Variants in SLC2A9 observed in about 807,000 individuals in gnomAD.
SLC2A9 encodes the protein solute carrier family 2 member 9, also known as solute carrier family 2, facilitated glucose transporter member 9.
Under a neutral mutation model 50.6 loss-of-function variants are expected in SLC2A9, and 39 were observed. That is an observed-to-expected ratio of 0.77 (90% CI 0.60 to 1.01). The LOEUF (loss-of-function observed/expected upper bound fraction) is 1.01, where lower values mean the gene tolerates loss of function less well. Among genes scored for constraint, SLC2A9 ranks in the 50% least tolerant of loss-of-function variants. The pLI is 0.00. For missense variants in SLC2A9, 686 were observed against 677.6 expected (o/e 1.01, Z -0.14); for synonymous variants, 324 against 276.9 (o/e 1.17, Z -1.69).
chr4:9,847,760 T>C (rs1729216667), intron 10 of SLC2A9, among the ~76,000 whole-genome samples: 1 of 152,244 alleles, frequency 6.6e-6, no homozygotes, highest in Non-Finnish European at 1.5e-5. Flanking sequence ...TATTGAGCAC[T>C]TTCTATGTGT....
chr4:9,961,943 T>C (rs896162407), intron 5 of SLC2A9, among the ~76,000 whole-genome samples: 2 of 152,176 alleles, frequency 1.3e-5, no homozygotes, highest in East Asian at 3.8e-4. Context: ...GACATTCATG[T>C]GGTCAAGAAA....
At chr4:10,023,994 A>G (rs2109577932), upstream of SLC2A9, among the ~76,000 whole-genome samples, 1 of 152,270 alleles carries the variant, frequency 6.6e-6, no homozygotes, top group East Asian at 1.9e-4. Context: ...TCTGACACTC[A>G]CTGGTTCCTT....
chr4:9,932,986 T>A (rs932535370), intron 6 of SLC2A9, among the ~76,000 whole-genome samples: 3 of 152,208 alleles, frequency 2.0e-5, no homozygotes, highest in Admixed American at 1.3e-4. Flanking sequence ...TCCCACGTCA[T>A]CTGTGCCAAG....
At position 9,980,753 on chromosome 4, in the gene SLC2A9, A is replaced by G; in HGVS notation, c.536-16T>C. The stretch of plus-strand genomic sequence containing the variant: ...AGGGCGACGCCTGTAGAGAGAAAGC[A>G]TAGCAGCAGTTAGAGAGGTGTCTTC... On this transcript the variant is annotated splice_polypyrimidine_tract_variant and intron_variant, in intron 4 of 11. Coordinates refer to ENST00000264784, the MANE Select transcript of SLC2A9 (RefSeq NM_020041.3). 4 of 1,614,196 alleles carry G rather than the reference A, an allele frequency of 2.5e-6. No homozygotes were observed. Among genetic ancestry groups the G allele is most frequent in the Non-Finnish European group, 3.4e-6 (4 of 1,180,016 alleles).
chr4:9,909,972 A>G lies in SLC2A9; in HGVS notation c.1003-1627T>C, dbSNP rs140761931. ...GCTCTTGTTTCTATAGATCTGTTTT[A>G]TTGCCAGATGTTTTTAGCAAAAATT... On this transcript the variant is annotated intron_variant, in intron 7 of 11. Coordinates refer to ENST00000264784, the MANE Select transcript of SLC2A9 (RefSeq NM_020041.3). Among the ~76,000 whole-genome samples the G allele has an allele frequency of 2.0e-5, 3 of 152,294 alleles. No individual in the cohort carries two copies. In the East Asian group the frequency reaches 5.8e-4, roughly 29 times the overall value.
Position 10,031,893 on chromosome 4 carries a change from G to A in SLC2A9, c.-40-5887C>T, listed in dbSNP as rs545767984. Among the ~76,000 whole-genome samples, 4 of 152,324 alleles carry A rather than the reference G, an allele frequency of 2.6e-5. No homozygotes were observed. The South Asian group carries it at 8.3e-4, about 32-fold the overall frequency. On this transcript the variant is annotated intron_variant, in intron 1 of 12. Transcript: ENST00000309065. The stretch of plus-strand genomic sequence containing the variant: ...GCACTGGGAATGAGGGTCACCAAGA[G>A]GTCACAGGCATAAAAAGAACCTTCC...
intron 5 of SLC2A9, among the ~76,000 whole-genome samples, chr4:9,971,629 T>A (rs1267673945): frequency 2.0e-5 from 3 of 152,186 alleles, no homozygotes; most frequent in Non-Finnish European, 4.4e-5. Flanking sequence ...CACCTAGGGA[T>A]AATCAAAACC....
At chr4:10,038,561 G>A (rs1764180437) in intron 1 of SLC2A9, among the ~76,000 whole-genome samples, 1 of 150,320 alleles carries the variant, frequency 6.7e-6, no homozygotes, top group African/African-American at 2.4e-5. Flanking sequence ...GTACAGCCAG[G>A]CCACGGAACA....
chr4:9,989,675 G>A (rs927064201), intron 3 of SLC2A9, among the ~76,000 whole-genome samples: 31 of 152,036 alleles, frequency 2.0e-4, no homozygotes, highest in African/African-American at 6.8e-4. Context: ...CCAAATGCAA[G>A]TCAGATCAGT....
intron 1 of SLC2A9, among the ~76,000 whole-genome samples, chr4:9,774,012 GA>G (rs1717188959): frequency 8.8e-6 from 1 of 113,866 alleles, no homozygotes; most frequent in Non-Finnish European, 1.8e-5. Context: ...TTTTTTTTAA[GA>G]TAGTCTTGCT....
At chr4:9,895,178 C>G (rs140482001) in intron 8 of SLC2A9, among the ~76,000 whole-genome samples, 1 of 152,074 alleles carries the variant, frequency 6.6e-6, no homozygotes, top group Non-Finnish European at 1.5e-5. Context: ...CTTTTTGTTT[C>G]GTTTCCCTAA....
At chr4:9,933,872 C>A (rs1258353840) in intron 6 of SLC2A9, among the ~76,000 whole-genome samples, 3 of 152,192 alleles carry the variant, frequency 2.0e-5, no homozygotes, top group Non-Finnish European at 4.4e-5. Context: ...ATCTTCAATG[C>A]CAGCAACCTT....
Position 9,980,762 on chromosome 4 carries a change from G to A in SLC2A9, c.536-25C>T, listed in dbSNP as rs749184205. The A allele has an allele frequency of 4.3e-6, 7 of 1,614,042 alleles. No individual in the cohort carries two copies. The Admixed American group carries it at 5.0e-5, about 12-fold the overall frequency. On this transcript the variant is annotated intron_variant, in intron 4 of 11. Coordinates refer to ENST00000264784, the MANE Select transcript of SLC2A9 (RefSeq NM_020041.3). Reference sequence around the variant, plus strand: ...CCTGTAGAGAGAAAGCATAGCAGCAGTTAGAGAGGTGTCTTCCCGGGGGAG... The same window carrying A: ...CCTGTAGAGAGAAAGCATAGCAGCAATTAGAGAGGTGTCTTCCCGGGGGAG...
chr4:10,025,796 T>G (rs1409468009), upstream of SLC2A9: 4 of 1,054,224 alleles, frequency 3.8e-6, no homozygotes, highest in African/African-American at 1.6e-5. Context: ...CTCTTTTCTC[T>G]GCCCAGCTTC....
rs1178230354 is a variant in SLC2A9, at chr4:9,963,463, T to C, written c.681+17129A>G. Among the ~76,000 whole-genome samples the C allele has an allele frequency of 4.6e-5, 7 of 152,322 alleles. No individual in the cohort carries two copies. The East Asian group carries it at 1.3e-3, about 29-fold the overall frequency. On this transcript the variant is annotated intron_variant, in intron 5 of 11. Coordinates refer to ENST00000264784, the MANE Select transcript of SLC2A9 (RefSeq NM_020041.3). ...CAATGCTACAGACCCCACGGTCAGC[T>C]CTACGTTGATACAAAGATGAGAACT...
At chr4:9,858,661 C>A (rs1309667632) in intron 10 of SLC2A9, among the ~76,000 whole-genome samples, 1 of 152,152 alleles carries the variant, frequency 6.6e-6, no homozygotes, top group African/African-American at 2.4e-5. Flanking sequence ...GGTAAAAACT[C>A]TTAGCTAAGG....
At chr4:9,847,617 G>A (rs1387067958) in intron 10 of SLC2A9, among the ~76,000 whole-genome samples, 1 of 152,222 alleles carries the variant, frequency 6.6e-6, no homozygotes, top group Non-Finnish European at 1.5e-5. Context: ...ATCAATGGTG[G>A]CAGAAAGCTG....
downstream of SLC2A9, among the ~76,000 whole-genome samples, chr4:9,798,357 C>T (rs1293110933): frequency 6.6e-6 from 1 of 152,192 alleles, no homozygotes; most frequent in East Asian, 1.9e-4. Flanking sequence ...CGCAATCAGT[C>T]TGGAGCATTT....
chr4:10,014,329 C>G (rs988482563), intron 2 of SLC2A9, among the ~76,000 whole-genome samples: 11 of 152,220 alleles, frequency 7.2e-5, no homozygotes, highest in Non-Finnish European at 4.4e-5. Flanking sequence ...ACAGAGGCAC[C>G]TACATGGTGC....
Sources: gnomAD v4.1 joint callset for allele counts (sites outside exome capture counted in the v4.1 genomes callset) on GRCh38, gnomAD v4.1.1 for gene constraint, MANE v1.5 for transcripts, NCBI Gene and HGNC (gene_info 2026-07-23, HGNC 2026-07-21) for gene names.